ENTPD1: variants seen among roughly 807,000 people sequenced by gnomAD.
The protein encoded by ENTPD1 is ATP diphosphohydrolase.
In ENTPD1, 33 loss-of-function variants were observed where a neutral mutation model predicts 57.0. The observed-to-expected ratio is 0.58, with a 90% CI of 0.44 to 0.77. The LOEUF (loss-of-function observed/expected upper bound fraction) is 0.77, where lower values mean the gene tolerates loss of function less well. Among genes scored for constraint, ENTPD1 ranks in the 30% least tolerant of loss-of-function variants. The pLI, the probability that ENTPD1 is intolerant of heterozygous loss-of-function variation, is 0.00. For missense variants in ENTPD1, 501 were observed against 603.4 expected (o/e 0.83, Z 1.78); for synonymous variants, 202 against 218.8 (o/e 0.92, Z 0.68).
intron 1 of ENTPD1, among the ~76,000 whole-genome samples, chr10:95,778,672 T>C (rs2098143683): frequency 6.6e-6 from 1 of 152,222 alleles, no homozygotes; most frequent in Admixed American, 6.5e-5. Flanking sequence ...AAAATCTTGT[T>C]TTTATTTTCT....
In ENTPD1 at chr10:95,868,278, G is replaced by A. The variant is rs1276174421; in HGVS notation, c.*1895G>A. On this transcript the variant is annotated 3_prime_UTR_variant, in exon 10 of 10. Coordinates refer to ENST00000371205, the MANE Select transcript of ENTPD1 (RefSeq NM_001776.6). The stretch of plus-strand genomic sequence containing the variant: ...CTGTCTCCTCATAACTTCCAAGCAT[G>A]CACTTAAAACTCCACATGAATACAA... The A allele has an allele frequency of 1.0e-6, 1 of 985,244 alleles. No homozygotes were observed. The highest frequency in any genetic ancestry group is 1.7e-5 in the African/African-American group (1 of 57,230). 61.0% of individuals were successfully genotyped at this position (985,244 alleles called of 1,614,324 possible). A position where few individuals can be genotyped will look rare whatever the true frequency, so the allele number is the denominator to read the frequency against.
chr10:95,758,180 C>T (rs2098038439), intron 1 of ENTPD1, among the ~76,000 whole-genome samples: 1 of 152,028 alleles, frequency 6.6e-6, no homozygotes, highest in East Asian at 1.9e-4. Flanking sequence ...TTTCCTCAGA[C>T]TGAAGCTAGG....
At chr10:95,724,070 G>A (rs928724905) in intron 1 of ENTPD1, among the ~76,000 whole-genome samples, 1 of 149,406 alleles carries the variant, frequency 6.7e-6, no homozygotes, top group Non-Finnish European at 1.5e-5. Context: ...GCTGAGGCAG[G>A]AGAATGGTGT....
rs1381091710 is a variant in ENTPD1 at position 95,872,675 on chromosome 10, T to TTG, written c.*6292_*6293insTG. 2.1e-6 allele frequency: 2 copies of TTG among 932,718 alleles called. No individual in the cohort carries two copies. Among genetic ancestry groups the TTG allele is most frequent in the Non-Finnish European group, 2.5e-6 (2 of 803,360 alleles). 57.8% of individuals were successfully genotyped at this position (932,718 alleles called of 1,614,324 possible). A position where few individuals can be genotyped will look rare whatever the true frequency, so the allele number is the denominator to read the frequency against. On this transcript the variant is annotated 3_prime_UTR_variant, in exon 10 of 10. Transcript: ENST00000371205. ...TGAAAAGTTGGATTCAGGGATATTA[T>TTG]CACGGACCTAAGGTAATAGTTCTAG...
intron 1 of ENTPD1, among the ~76,000 whole-genome samples, chr10:95,744,362 G>A (rs2139884563): frequency 6.6e-6 from 1 of 152,256 alleles, no homozygotes; most frequent in Admixed American, 6.5e-5. Context: ...GGGGCCGAGA[G>A]TGGGGACTCA....
At chr10:95,731,762 A>C (rs971951303) in intron 1 of ENTPD1, among the ~76,000 whole-genome samples, 36 of 139,940 alleles carry the variant, frequency 2.6e-4, no homozygotes, top group African/African-American at 9.4e-4. Flanking sequence ...AGAAGGTAAG[A>C]ATTAGAGGAG....
At chr10:95,735,844 A>G (rs1472780737) in intron 1 of ENTPD1, among the ~76,000 whole-genome samples, 1 of 151,816 alleles carries the variant, frequency 6.6e-6, no homozygotes, top group Non-Finnish European at 1.5e-5. Context: ...TGATCCACCC[A>G]CCTTGGCCTC....
intron 1 of ENTPD1, among the ~76,000 whole-genome samples, chr10:95,801,944 AT>A (rs1301728536): frequency 6.6e-6 from 1 of 152,178 alleles, no homozygotes; most frequent in African/African-American, 2.4e-5. Context: ...AATGATATGG[AT>A]TCTTCCTATC....
chr10:95,712,029 C>G, intron 1 of ENTPD1: 1 of 1,613,704 alleles, frequency 6.2e-7, no homozygotes, highest in Non-Finnish European at 8.5e-7. Context: ...CCCGGCCTCT[C>G]TCCCTCTGTG....
chr10:95,828,403 A>T (rs1300742335), intron 2 of ENTPD1, among the ~76,000 whole-genome samples: 1 of 152,166 alleles, frequency 6.6e-6, no homozygotes, highest in Non-Finnish European at 1.5e-5. Context: ...TAATTATTTC[A>T]TTATGTATTA....
chr10:95,826,300 C>T (rs961744335), intron 2 of ENTPD1, among the ~76,000 whole-genome samples: 3 of 152,008 alleles, frequency 2.0e-5, no homozygotes, highest in African/African-American at 4.8e-5. Context: ...GGGCCGAGCA[C>T]GGTGGCTCAT....
At chr10:95,767,060 G>A (rs2098091488) in intron 1 of ENTPD1, among the ~76,000 whole-genome samples, 1 of 151,412 alleles carries the variant, frequency 6.6e-6, no homozygotes, top group Admixed American at 6.6e-5. Context: ...TTTATTTTTT[G>A]TAGAAACAGG....
intron 1 of ENTPD1, among the ~76,000 whole-genome samples, chr10:95,813,945 A>G (rs1476490479): frequency 2.0e-5 from 3 of 152,212 alleles, no homozygotes; most frequent in Non-Finnish European, 4.4e-5. Flanking sequence ...TTTCTTGCTT[A>G]TTCTCACCAT....
the ENTPD1 span, among the ~76,000 whole-genome samples, chr10:95,694,310 G>C: frequency 4.6e-5 from 7 of 151,738 alleles, no homozygotes; most frequent in African/African-American, 1.7e-4. Flanking sequence ...TTTTCACCCC[G>C]GATTCCAACG....
chr10:95,873,268 C>T lies in ENTPD1; in HGVS notation c.*6885C>T, dbSNP rs578250902. The T allele has an allele frequency of 1.9e-5, 19 of 985,196 alleles. No individual in the cohort carries two copies. In the South Asian group the frequency reaches 8.0e-4, roughly 41 times the overall value. The allele number at this position is 985,196 out of a possible 1,614,324, so 61.0% of individuals were successfully genotyped here. On this transcript the variant is annotated 3_prime_UTR_variant, in exon 10 of 10. Coordinates refer to ENST00000371205, the MANE Select transcript of ENTPD1 (RefSeq NM_001776.6). ...CTACCTGACTACTGTCATTCACAGG[C>T]ATTCTGTTCCACAGCAGGCCAGCTA...
At chr10:95,712,742 A>G (rs2097967028) in intron 1 of ENTPD1, among the ~76,000 whole-genome samples, 1 of 152,148 alleles carries the variant, frequency 6.6e-6, no homozygotes, top group African/African-American at 2.4e-5. Context: ...CAGCCTTAAT[A>G]GTCTGTGGTG....
intron 1 of ENTPD1, among the ~76,000 whole-genome samples, chr10:95,723,752 G>A (rs913436193): frequency 6.6e-6 from 1 of 152,122 alleles, no homozygotes; most frequent in African/African-American, 2.4e-5. Flanking sequence ...CTGGGAGTTC[G>A]GGACAACAGC....
At chr10:95,814,895 A>C (rs761783971) in intron 1 of ENTPD1, among the ~76,000 whole-genome samples, 1 of 150,812 alleles carries the variant, frequency 6.6e-6, no homozygotes, top group East Asian at 2.0e-4. Context: ...TCCTGGCTCT[A>C]TTTTCTTACC....
the ENTPD1 span, among the ~76,000 whole-genome samples, chr10:95,694,415 CT>C: frequency 7.2e-3 from 652 of 90,762 alleles, 5 homozygotes; most frequent in Middle Eastern, 0.031. Context: ...CTAAATATGG[CT>C]TTTTTAAAAA....
Sources: allele counts gnomAD v4.1 joint callset (sites outside exome capture counted in the v4.1 genomes callset), GRCh38; gene constraint gnomAD v4.1.1; transcripts MANE v1.5; gene names NCBI Gene and HGNC (gene_info 2026-07-23, HGNC 2026-07-21).